Variants in KTN1 observed in about 807,000 individuals in gnomAD.
The protein encoded by KTN1 is kinectin.
Under a neutral mutation model 222.5 loss-of-function variants are expected in KTN1, and 130 were observed. The ratio of observed to expected loss-of-function variants is 0.58; its 90% CI spans 0.51 to 0.68. The LOEUF (loss-of-function observed/expected upper bound fraction) is 0.68, where lower values mean the gene tolerates loss of function less well. Ranked by LOEUF, KTN1 falls within the 30% of genes least tolerant of loss-of-function variation. The pLI, the probability that KTN1 is intolerant of heterozygous loss-of-function variation, is 0.00. For synonymous variants in KTN1, 512 were observed against 496.3 expected (o/e 1.03, Z -0.42); for missense variants, 1,508 against 1,500.4 (o/e 1.01, Z -0.08).
chr14:55,590,322 T>C (rs976675070), intron 1 of KTN1, among the ~76,000 whole-genome samples: 1 of 152,230 alleles, frequency 6.6e-6, no homozygotes, highest in Admixed American at 6.5e-5. Flanking sequence ...AAAGATTAAA[T>C]ATAAAATGAA....
At chr14:55,586,801 T>C (rs1374379882) in intron 1 of KTN1, among the ~76,000 whole-genome samples, 1 of 152,150 alleles carries the variant, frequency 6.6e-6, no homozygotes, top group Non-Finnish European at 1.5e-5. Context: ...TGCTATAAAA[T>C]GTTTTAGTTA....
chr14:55,640,791 A>G (rs917726684), intron 15 of KTN1, 142 bp from the exon 16 acceptor site: 2 of 692,508 alleles, frequency 2.9e-6, no homozygotes, highest in Non-Finnish European at 2.4e-6. Flanking sequence ...TCGAACAGCA[A>G]AACATGTTAC....
rs2031865168 is a variant in KTN1 at position 55,582,300 on chromosome 14, T to C, written c.-31+1946T>C. Reference sequence around the variant, plus strand: ...TGTTGTGTTTGTCCCTAAAAATGCCTCACTTCAGTCTCCCTTCTAGTTTAT... The same window carrying C: ...TGTTGTGTTTGTCCCTAAAAATGCCCCACTTCAGTCTCCCTTCTAGTTTAT... On this transcript the variant is annotated intron_variant, in intron 1 of 43. Transcript: ENST00000395314. 2.0e-5 allele frequency among the ~76,000 whole-genome samples: 3 copies of C among 152,186 alleles called. No individual in the cohort carries two copies. In the East Asian group the frequency reaches 5.8e-4, roughly 29 times the overall value.
intron 5 of KTN1, among the ~76,000 whole-genome samples, chr14:55,622,232 A>G (rs543435138): frequency 6.6e-6 from 1 of 152,310 alleles, no homozygotes; most frequent in Non-Finnish European, 1.5e-5. Flanking sequence ...AGTCAAAGTC[A>G]GGTGATTTCT....
chr14:55,580,967 C>A (rs1418193527), intron 1 of KTN1, among the ~76,000 whole-genome samples: 1 of 152,248 alleles, frequency 6.6e-6, no homozygotes. Flanking sequence ...CGGTTGGGCA[C>A]GGAAAGCAGC....
At chr14:55,660,244 G>A (rs752250148) in intron 31 of KTN1, among the ~76,000 whole-genome samples, 4 of 151,988 alleles carry the variant, frequency 2.6e-5, no homozygotes, top group African/African-American at 4.8e-5. Context: ...CGGGTGTGAT[G>A]GCATGCACCT....
intron 1 of KTN1, 23 bp from the exon 2 acceptor site, chr14:55,611,996 T>C: frequency 9.8e-7 from 1 of 1,020,766 alleles, no homozygotes; most frequent in South Asian, 3.3e-5. Context: ...TTTTTTTTTG[T>C]CCCCACCTTC....
intron 39 of KTN1, 37 bp from the exon 40 acceptor site, chr14:55,673,135 T>G: frequency 6.4e-7 from 1 of 1,555,646 alleles, no homozygotes; most frequent in East Asian, 2.2e-5. Context: ...TGGGCTATCA[T>G]AAGGAGATCA....
chr14:55,646,474 CCTTTCCTTT>C (rs1566788430), intron 18 of KTN1, among the ~76,000 whole-genome samples: 2,537 of 62,500 alleles, frequency 0.041, 120 homozygotes, highest in South Asian at 0.057. Flanking sequence ...CCTTTCCTTT[CCTTTCCTTT>C]CCTTTCCTTT....
rs1438589675 is a variant in KTN1, at chr14:55,612,163, G to A, written c.115G>A (p.Ala39Thr). 3 of 1,582,790 alleles carry A rather than the reference G, an allele frequency of 1.9e-6. No individual in the cohort carries two copies. In the South Asian group the frequency reaches 3.6e-5, roughly 19 times the overall value. The change falls in exon 2 of 44, where the codon GCA becomes ACA. Residue 39 changes from alanine (A) to threonine (T), a missense_variant. Physicochemically the swap from Ala to Thr is moderately conservative, Grantham distance 58. Coordinates refer to ENST00000395314, the MANE Select transcript of KTN1 (RefSeq NM_001079521.2). ...AGAAACATTATATGATGAAGTTCTT[G>A]CAAAACAGAAAAGAGAACAAAAGCT... ...MKETLYDEVL[A>T]KQKREQKLIP...
At chr14:55,616,776 TAC>T (rs3215764) in intron 3 of KTN1, 122 bp downstream of exon 3, 51,892 of 710,018 alleles carry the variant, frequency 0.073, 2,223 homozygotes, top group Non-Finnish European at 0.089. Context: ...ACAACTGTAA[TAC>T]TAATGCAGGT....
At chr14:55,619,113 C>G in intron 4 of KTN1, 69 bp from the exon 5 acceptor site, 1 of 1,280,090 alleles carries the variant, frequency 7.8e-7, no homozygotes, top group Non-Finnish European at 1.1e-6. Flanking sequence ...TCATGCTTAC[C>G]TTTGCTGAAG....
chr14:55,607,199 T>C (rs2036851783), intron 1 of KTN1: 1 of 152,220 alleles, frequency 6.6e-6, no homozygotes, highest in Non-Finnish European at 1.5e-5. Context: ...CTCAGTGATG[T>C]GTCTCAGGTT....
chr14:55,590,895 C>T (rs936025710), intron 1 of KTN1, among the ~76,000 whole-genome samples: 29 of 152,060 alleles, frequency 1.9e-4, no homozygotes, highest in African/African-American at 6.8e-4. Flanking sequence ...AGGCTGGTCT[C>T]GATCTCCTGA....
chr14:55,600,164 A>G (rs2035755483), intron 1 of KTN1, among the ~76,000 whole-genome samples: 1 of 150,688 alleles, frequency 6.6e-6, no homozygotes, highest in South Asian at 2.1e-4. Context: ...TAATACCTAA[A>G]ACATCTGATC....
At chr14:55,592,322 A>C (rs952910291) in intron 1 of KTN1, among the ~76,000 whole-genome samples, 2 of 152,138 alleles carry the variant, frequency 1.3e-5, no homozygotes, top group African/African-American at 4.8e-5. Flanking sequence ...TTACCATTTC[A>C]GTTTTTAAGG....
chr14:55,590,386 TTAAAA>T (rs1258787302), intron 1 of KTN1, among the ~76,000 whole-genome samples: 1 of 152,232 alleles, frequency 6.6e-6, no homozygotes, highest in African/African-American at 2.4e-5. Context: ...ATTTTTTCTT[TTAAAA>T]TAAAATACGT....
chr14:55,671,909 T>G lies in KTN1; in HGVS notation c.3531+32T>G, dbSNP rs749510646. ...ACAAAAGAAAAGCTTAGAGCAGTGG[T>G]TCTCGATGTGTGGGGCTTGAACCAG... On this transcript the variant is annotated intron_variant, in intron 37 of 43. Coordinates refer to ENST00000395314, the MANE Select transcript of KTN1 (RefSeq NM_001079521.2). 3.1e-6 allele frequency: 4 copies of G among 1,279,696 alleles called. No individual in the cohort carries two copies. The Admixed American group carries it at 5.1e-5, about 16-fold the overall frequency. 79.3% of individuals were successfully genotyped at this position (1,279,696 alleles called of 1,614,324 possible).
Position 55,641,198 on chromosome 14 carries a change from A to G in KTN1, c.2093A>G (p.Glu698Gly). 1 of 1,586,532 alleles carries G rather than the reference A, an allele frequency of 6.3e-7. No homozygotes were observed. Among genetic ancestry groups the G allele is most frequent in the South Asian group, 1.1e-5 (1 of 87,184 alleles). The change falls in exon 17 of 44, where the codon GAA becomes GGA. Residue 698 changes from glutamate to glycine, a missense_variant. Physicochemically the swap from Glu to Gly is moderately conservative, Grantham distance 98 (BLOSUM62 -2). Coordinates refer to ENST00000395314, the MANE Select transcript of KTN1 (RefSeq NM_001079521.2). ...CAACATGAAATTTCAAACAAAATGG[A>G]AGAATTTAAGGTGTGTGATTAAGCT... ...QLQHEISNKM[E>G]EFKILNDQNK... is the part of the protein sequence containing the mutation.
Sources: gnomAD v4.1 joint callset for allele counts (sites outside exome capture counted in the v4.1 genomes callset) on GRCh38, gnomAD v4.1.1 for gene constraint, MANE v1.5 for transcripts, NCBI Gene and HGNC (gene_info 2026-07-23, HGNC 2026-07-21) for gene names.